CTNND2: variants seen among roughly 807,000 people sequenced by gnomAD.
The protein encoded by CTNND2 is catenin delta-2.
CTNND2 carries 22 observed loss-of-function variants against 144.4 expected under a neutral mutation model. That is an observed-to-expected ratio of 0.15 (90% CI 0.11 to 0.22). The LOEUF (loss-of-function observed/expected upper bound fraction) is 0.22, where lower values mean the gene tolerates loss of function less well. Ranked by LOEUF, CTNND2 falls within the 10% of genes least tolerant of loss-of-function variation. CTNND2 has a pLI of 1.00. For missense variants in CTNND2, 1,353 were observed against 1,618.8 expected (o/e 0.84, Z 2.82); for synonymous variants, 751 against 695.6 (o/e 1.08, Z -1.25).
intron 14 of CTNND2, 81 bp downstream of exon 14, chr5:11,110,777 C>T (rs1044535285): frequency 7.6e-7 from 1 of 1,319,432 alleles, no homozygotes; most frequent in Non-Finnish European, 1.0e-6. Context: ...ATGCAGGGCT[C>T]ATTCTCTATA....
intron 16 of CTNND2, among the ~76,000 whole-genome samples, chr5:11,034,509 A>G (rs1018821031): frequency 6.6e-6 from 1 of 152,234 alleles, no homozygotes; most frequent in African/African-American, 2.4e-5. Flanking sequence ...ATGCGCTTCA[A>G]ATATCTGCAA....
At chr5:11,345,905 T>C (rs948643824) in intron 9 of CTNND2, among the ~76,000 whole-genome samples, 3 of 152,194 alleles carry the variant, frequency 2.0e-5, no homozygotes, top group Non-Finnish European at 4.4e-5. Context: ...TTTTCAGACA[T>C]AGAGAAATGA....
chr5:11,862,437 G>C (rs1243247609), intron 1 of CTNND2, among the ~76,000 whole-genome samples: 1 of 152,052 alleles, frequency 6.6e-6, no homozygotes, highest in Non-Finnish European at 1.5e-5. Context: ...TTCTTACTTT[G>C]AAGGCACCAT....
intron 2 of CTNND2, among the ~76,000 whole-genome samples, chr5:11,701,698 C>T (rs1480232537): frequency 3.4e-5 from 1 of 29,386 alleles, no homozygotes; most frequent in Non-Finnish European, 6.2e-5. Flanking sequence ...GTATGGAATA[C>T]TCCTTAATAT....
intron 2 of CTNND2, among the ~76,000 whole-genome samples, chr5:11,692,200 T>C (rs1367229922): frequency 1.3e-5 from 2 of 152,246 alleles, no homozygotes; most frequent in East Asian, 3.8e-4. Flanking sequence ...ATTTTAATCC[T>C]GGTTAATTCT....
Position 10,981,761 on chromosome 5 carries a change from C to A in CTNND2, c.3417+12G>T. 1 of 1,594,222 alleles carries A rather than the reference C, an allele frequency of 6.3e-7. No individual in the cohort carries two copies. The highest frequency in any genetic ancestry group is 1.1e-5 in the South Asian group (1 of 89,902). On this transcript the variant is annotated intron_variant, in intron 21 of 21. Coordinates refer to ENST00000304623, the MANE Select transcript of CTNND2 (RefSeq NM_001332.4). ...CTGAAAAGGAAATACAAACGTGTTG[C>A]ATTTACTTTACCTGGTTGTGTTTGA...
At chr5:11,081,516 T>C (rs1749570114) in intron 16 of CTNND2, among the ~76,000 whole-genome samples, 1 of 152,184 alleles carries the variant, frequency 6.6e-6, no homozygotes, top group Admixed American at 6.5e-5. Context: ...ATCTCTAATT[T>C]AAAAATTCAA....
At chr5:11,209,128 C>T (rs1373426101) in intron 10 of CTNND2, among the ~76,000 whole-genome samples, 1 of 151,888 alleles carries the variant, frequency 6.6e-6, no homozygotes, top group African/African-American at 2.4e-5. Context: ...CTATAAATTC[C>T]CCAAAATTTA....
intron 8 of CTNND2, among the ~76,000 whole-genome samples, chr5:11,352,653 C>T (rs1046913844): frequency 6.6e-6 from 1 of 152,086 alleles, no homozygotes; most frequent in African/African-American, 2.4e-5. Flanking sequence ...CTTATCTTAA[C>T]CAATAGCATT....
intron 2 of CTNND2, among the ~76,000 whole-genome samples, chr5:11,594,629 T>C (rs1779416216): frequency 6.6e-6 from 1 of 152,158 alleles, no homozygotes; most frequent in Non-Finnish European, 1.5e-5. Context: ...TTTAAAATAA[T>C]TGACTATGCT....
chr5:11,385,111 G>GGCGCGTCGGGCA lies in CTNND2; in HGVS notation c.719_730dup (p.Leu240_Ala243dup), dbSNP rs1212555452. ...GAGCGCGGCGGCGGCGGCGGCGGGCGGCGCGTCGGGCAGGTGGAAGGCGCT... is the reference window on the plus strand; with the variant it reads ...GAGCGCGGCGGCGGCGGCGGCGGGCGGCGCGTCGGGCAGCGCGTCGGGCAGGTGGAAGGCGCT... On this transcript the variant is annotated inframe_insertion, in exon 7 of 22. Transcript: ENST00000304623. 1.1e-5 allele frequency: 11 copies of GGCGCGTCGGGCA among 1,026,878 alleles called. No homozygotes were observed. The Admixed American group carries it at 5.4e-4, about 50-fold the overall frequency. 63.6% of individuals were successfully genotyped at this position (1,026,878 alleles called of 1,614,324 possible). A position where few individuals can be genotyped will look rare whatever the true frequency, so the allele number is the denominator to read the frequency against.
rs1227280632 is a variant in CTNND2 at position 11,653,838 on chromosome 5, T to C, written c.174+78298A>G. On this transcript the variant is annotated intron_variant, in intron 2 of 21. Coordinates refer to ENST00000304623, the MANE Select transcript of CTNND2 (RefSeq NM_001332.4). ...GCCAAGATCAATGTTAAGGAGCTTT[T>C]TTGTTATGTGTTCTTCCAGAATTGT... Among the ~76,000 whole-genome samples the C allele has an allele frequency of 2.0e-5, 3 of 152,080 alleles. No individual in the cohort carries two copies. In the East Asian group the frequency reaches 5.8e-4, roughly 29 times the overall value.
chr5:11,738,488 G>T (rs529902792), intron 1 of CTNND2, among the ~76,000 whole-genome samples: 2 of 152,254 alleles, frequency 1.3e-5, no homozygotes, highest in South Asian at 4.2e-4. Context: ...TTGGCAACAT[G>T]CTAGAATCTT....
intron 9 of CTNND2, among the ~76,000 whole-genome samples, chr5:11,284,064 A>T (rs1747465168): frequency 6.6e-6 from 1 of 152,084 alleles, no homozygotes; most frequent in African/African-American, 2.4e-5. Context: ...GCACATTCCC[A>T]CTGCTGCCTG....
chr5:11,357,831 C>T (rs1489267547), intron 8 of CTNND2, among the ~76,000 whole-genome samples: 1 of 151,914 alleles, frequency 6.6e-6, no homozygotes, highest in Non-Finnish European at 1.5e-5. Flanking sequence ...TACAATGTGT[C>T]AACTAAAAAA....
intron 11 of CTNND2, among the ~76,000 whole-genome samples, chr5:11,164,063 A>G (rs1202876753): frequency 6.6e-6 from 1 of 152,098 alleles, no homozygotes; most frequent in Non-Finnish European, 1.5e-5. Flanking sequence ...GGCTGCCTGC[A>G]TCGCATTCCT....
intron 1 of CTNND2, among the ~76,000 whole-genome samples, chr5:11,848,396 A>G (rs1049566304): frequency 6.6e-5 from 10 of 152,212 alleles, no homozygotes; most frequent in Non-Finnish European, 1.0e-4. Flanking sequence ...TAAAAAGTAT[A>G]AAATAAATAA....
At chr5:11,883,630 G>T (rs978975885) in intron 1 of CTNND2, among the ~76,000 whole-genome samples, 6 of 152,178 alleles carry the variant, frequency 3.9e-5, no homozygotes, top group Non-Finnish European at 8.8e-5. Context: ...AAACAGTGCT[G>T]CAATAAACAT....
chr5:11,754,170 A>G (rs1446365013), intron 1 of CTNND2, among the ~76,000 whole-genome samples: 1 of 150,520 alleles, frequency 6.6e-6, no homozygotes, highest in Non-Finnish European at 1.5e-5. Context: ...TCTCAGTTTC[A>G]TTCATTTCAG....
Sources: allele counts gnomAD v4.1 joint callset (sites outside exome capture counted in the v4.1 genomes callset), GRCh38; gene constraint gnomAD v4.1.1; transcripts MANE v1.5; gene names NCBI Gene and HGNC (gene_info 2026-07-23, HGNC 2026-07-21).